AIPL1: variants seen among roughly 807,000 people sequenced by gnomAD.
AIPL1 encodes the protein AIP like 1 HSP90 co-chaperone.
A neutral mutation model predicts 32.9 loss-of-function variants in AIPL1; 23 were observed. The ratio of observed to expected loss-of-function variants is 0.70; its 90% confidence interval spans 0.50 to 0.99. The LOEUF (loss-of-function observed/expected upper bound fraction) is 0.99. AIPL1 is among the 50% of genes least tolerant of loss of function. The pLI is 0.00. For missense variants in AIPL1, 485 were observed against 506.0 expected, an observed-to-expected ratio of 0.96 and a Z score of 0.40; for synonymous variants, 210 against 209.4, an observed-to-expected ratio of 1.00 and a Z score of -0.02.
At chr17:6,434,815 A>C in intron 1 of AIPL1, 194 bp downstream of exon 1, 2 of 952,506 alleles carry the variant, frequency 2.1e-6, no homozygotes, top group East Asian at 2.7e-5. Context: ...AGCCCATGCT[A>C]AAGTTGAATC....
At chr17:6,434,690 T>G (rs1345973186) in intron 1 of AIPL1, among the ~76,000 whole-genome samples, 1 of 152,146 alleles carries the variant, frequency 6.6e-6, no homozygotes, top group Non-Finnish European at 1.5e-5. Context: ...AGACGCACCC[T>G]TCAGTCCAGG....
intron 2 of AIPL1, 112 bp from the exon 3 acceptor site, chr17:6,428,618 G>A: frequency 1.0e-6 from 1 of 983,418 alleles, no homozygotes; most frequent in East Asian, 2.5e-5. Flanking sequence ...CCCTCACTAT[G>A]CCACTCATAC....
At position 6,434,112 on chromosome 17, in the gene AIPL1, C is replaced by G; in HGVS notation, c.97-14G>C. 1.9e-6 allele frequency: 3 copies of G among 1,611,496 alleles called. No homozygotes were observed. The highest frequency in any genetic ancestry group is 2.5e-6 in the Non-Finnish European group (3 of 1,179,826). On this transcript the variant is annotated splice_polypyrimidine_tract_variant and intron_variant, in intron 1 of 5. Coordinates refer to ENST00000381129, the MANE Select transcript of AIPL1 (RefSeq NM_014336.5). The stretch of plus-strand genomic sequence containing the variant: ...ATGAAAGATCACCTAGTCACCGAGA[C>G]GGTGCACTCTGCTCTAGACACACTG...
chr17:6,425,807 G>A lies in AIPL1; in HGVS notation c.808C>T (p.Arg270Cys), dbSNP rs1911889958. ...CACACCTCTGCGTGAGCCCGGGCAC[G>A]CACGTAGTAGGCCTTCACGATGCCT... Reference protein sequence around the residue: ...HPGIVKAYYVRARAHAEVWNE... With the variant: ...HPGIVKAYYVCARAHAEVWNE... The change falls in exon 6 of 6, where the codon CGT becomes TGT. Residue 270 changes from arginine (R) to cysteine (C), a missense_variant. Transcript: ENST00000381129. The A allele has an allele frequency of 1.2e-6, 2 of 1,604,858 alleles. No individual in the cohort carries two copies. The highest frequency in any genetic ancestry group is 1.7e-5 in the Admixed American group (1 of 60,016).
intron 2 of AIPL1, among the ~76,000 whole-genome samples, chr17:6,430,581 G>C (rs1005859954): frequency 6.6e-6 from 1 of 151,916 alleles, no homozygotes; most frequent in Non-Finnish European, 1.5e-5. Flanking sequence ...CCCACATTAT[G>C]GGAATGACAA....
At chr17:6,428,539 C>G in intron 2 of AIPL1, 33 bp from the exon 3 acceptor site, 1 of 1,605,812 alleles carries the variant, frequency 6.2e-7, no homozygotes, top group South Asian at 1.1e-5. Flanking sequence ...GGCATCCAGG[C>G]TACCTGCCCA....
Position 6,426,757 on chromosome 17 carries a change from C to T in AIPL1, c.643-1G>A. 6.2e-7 allele frequency: 1 copy of T among 1,613,514 alleles called. No homozygotes were observed. The highest frequency in any genetic ancestry group is 8.5e-7 in the Non-Finnish European group (1 of 1,179,778). ...GCCACTGCACCTCCCATGGCTTCTC[C>T]TGCCCAGGGAGAAGGTCAGCCATGA... On this transcript the variant is annotated splice_acceptor_variant, in intron 4 of 5. Coordinates refer to ENST00000381129, the MANE Select transcript of AIPL1 (RefSeq NM_014336.5). LOFTEE classifies it high-confidence loss of function.
rs572303695 is a variant in AIPL1, at chr17:6,433,562, G to A, written c.276+357C>T. Among the ~76,000 whole-genome samples, 3 of 150,138 alleles carry A rather than the reference G, an allele frequency of 2.0e-5. 1 individual carries two copies. Among genetic ancestry groups the A allele is most frequent in the African/African-American group, 7.4e-5 (3 of 40,646 alleles). ...GCCATAATTACGCTACTGCACTCCA[G>A]CCTGGGTGACAGAGCGAGACCCTAT... On this transcript the variant is annotated intron_variant, in intron 2 of 5. Transcript: ENST00000381129.
intron 1 of AIPL1, 46 bp from the exon 2 acceptor site, chr17:6,434,144 G>A (rs1053756717): frequency 3.8e-6 from 6 of 1,599,020 alleles, no homozygotes; most frequent in Non-Finnish European, 5.1e-6. Context: ...ACTGTTCAAG[G>A]CCCGGCAGAA....
rs1567634365 is a variant in AIPL1, at chr17:6,425,492, G to A, written c.1123C>T (p.Pro375Ser). 3 of 1,606,316 alleles carry A rather than the reference G, an allele frequency of 1.9e-6. No homozygotes were observed. The highest frequency in any genetic ancestry group is 3.3e-5 in the Admixed American group (2 of 59,970). Residue 375 changes from proline to serine, a missense_variant, in exon 6 of 6, where the codon CCC becomes TCC. Coordinates refer to ENST00000381129, the MANE Select transcript of AIPL1 (RefSeq NM_014336.5). ...GPPAEPATEP[P>S]PSPGHSLQH The stretch of plus-strand genomic sequence containing the variant: ...TGCAGCGAGTGCCCTGGGGACGGGG[G>A]TGGCTCTGTGGCTGGCTCTGCAGGG...
rs949725885 is a variant in AIPL1, at chr17:6,428,298, C to A, written c.465+20G>T. The stretch of plus-strand genomic sequence containing the variant: ...TCCAGTGCTGGCACAGCCCTCCAGC[C>A]CTGCCAACCCCAGCCCCACCTGCAG... On this transcript the variant is annotated intron_variant, in intron 3 of 5. Transcript: ENST00000381129. 2.5e-6 allele frequency: 4 copies of A among 1,604,096 alleles called. No individual in the cohort carries two copies. The African/African-American group carries it at 5.3e-5, about 21-fold the overall frequency.
Position 6,428,384 on chromosome 17 carries a change from G to A in AIPL1, c.399C>T (p.Gly133=). 6.2e-7 allele frequency: 1 copy of A among 1,612,780 alleles called. No homozygotes were observed. The highest frequency in any genetic ancestry group is 2.2e-5 in the East Asian group (1 of 44,876). Residue 133 remains glycine (G), a synonymous_variant, in exon 3 of 6, where the codon GGC becomes GGT. Transcript: ENST00000381129. ...TCTGCAGCTCGTCCAGGTCCTCGTA[G>A]CCCAGCGTGTGGTAGGCGAACATGT... The part of the protein sequence containing the change: ...LANMFAYHTL[G]YEDLDELQKE...
At position 6,427,128 on chromosome 17, in the gene AIPL1, C is replaced by T; in HGVS notation, c.466-71G>A. 3 of 1,559,588 alleles carry T rather than the reference C, an allele frequency of 1.9e-6. No homozygotes were observed. In the South Asian group the frequency reaches 3.3e-5, roughly 17 times the overall value. ...TGCACCCCATCAGAGACCCGAAAAA[C>T]AGGACCCTGTGGCACATCTCCCTGA... On this transcript the variant is annotated intron_variant, in intron 3 of 5. Coordinates refer to ENST00000381129, the MANE Select transcript of AIPL1 (RefSeq NM_014336.5).
chr17:6,426,232 C>T (rs2150675894), intron 5 of AIPL1: 2 of 1,273,938 alleles, frequency 1.6e-6, no homozygotes, highest in African/African-American at 1.5e-5. Flanking sequence ...ACTGTGAGCA[C>T]GATTCGAGCA....
At chr17:6,434,905 T>G (rs760022124) in intron 1 of AIPL1, 104 bp downstream of exon 1, 2 of 1,548,362 alleles carry the variant, frequency 1.3e-6, no homozygotes, top group Non-Finnish European at 1.7e-6. Context: ...TGCCTGGCTG[T>G]TTTTTTGGCA....
chr17:6,429,180 A>C (rs1912305499), intron 2 of AIPL1, among the ~76,000 whole-genome samples: 1 of 152,178 alleles, frequency 6.6e-6, no homozygotes, highest in South Asian at 2.1e-4. Flanking sequence ...GGGATGAAGG[A>C]GGGCTGGGAA....
At chr17:6,429,749 T>C (rs188067225) in intron 2 of AIPL1, among the ~76,000 whole-genome samples, 1 of 152,324 alleles carries the variant, frequency 6.6e-6, no homozygotes, top group Admixed American at 6.5e-5. Context: ...GTTTCACTCC[T>C]AACATACAGC....
In AIPL1 at chr17:6,426,884, G is replaced by A. The variant is rs371485219; in HGVS notation, c.639C>T (p.Thr213=). Reference sequence around the variant, plus strand: ...CCCCTGGCCAGCGGCCTCTGACCTTGGTCTGCAGGTTCCTTAGGCAGATGA... The same window carrying A: ...CCCCTGGCCAGCGGCCTCTGACCTTAGTCTGCAGGTTCCTTAGGCAGATGA... ...EAIICLRNLQ[T]KEKPWEVQWL... is the part of the protein sequence containing the mutation. The change falls in exon 4 of 6, where the codon ACC becomes ACT. Residue 213 remains threonine, a synonymous_variant. Transcript: ENST00000381129. The A allele has an allele frequency of 8.1e-6, 13 of 1,614,046 alleles. No individual in the cohort carries two copies. The highest frequency in any genetic ancestry group is 1.1e-5 in the Non-Finnish European group (13 of 1,180,044).
Position 6,427,055 on chromosome 17 carries a change from A to G in AIPL1, c.468T>C (p.Val156=). The change falls in exon 4 of 6, where the codon GTT becomes GTC. Residue 156 remains valine (V), a splice_region_variant and synonymous_variant. Coordinates refer to ENST00000381129, the MANE Select transcript of AIPL1 (RefSeq NM_014336.5). ...CCCTCTGGTAATCACTCGGGGCATC[A>G]ACCTGGCCCCAGAGCTGCAGGTCAG... ...PLVFVIELLQ[V]DAPSDYQRET... 1 of 1,614,092 alleles carries G rather than the reference A, an allele frequency of 6.2e-7. No homozygotes were observed. The highest frequency in any genetic ancestry group is 1.1e-5 in the South Asian group (1 of 91,080).
Sources: gnomAD v4.1 joint callset for allele counts (sites outside exome capture counted in the v4.1 genomes callset) on GRCh38, gnomAD v4.1.1 for gene constraint, MANE v1.5 for transcripts, NCBI Gene and HGNC (gene_info 2026-07-23, HGNC 2026-07-21) for gene names.